HELZ: variants seen among roughly 807,000 people sequenced by gnomAD.
HELZ encodes the protein ATP-dependent RNA helicase with zinc finger domain.
Under a neutral mutation model 218.2 loss-of-function variants are expected in HELZ, and 23 were observed. That is an observed-to-expected ratio of 0.11 (90% CI 0.08 to 0.15). HELZ has a LOEUF of 0.15. Among genes scored for constraint, HELZ ranks in the 10% least tolerant of loss-of-function variants. The pLI, the probability that HELZ is intolerant of heterozygous loss-of-function variation, is 1.00. For synonymous variants in HELZ, 814 were observed against 829.4 expected (o/e 0.98, Z 0.32); for missense variants, 1,813 against 2,353.7 (o/e 0.77, Z 4.75).
intron 7 of HELZ, among the ~76,000 whole-genome samples, chr17:67,197,145 G>C (rs933042250): frequency 6.6e-6 from 1 of 152,144 alleles, no homozygotes; most frequent in African/African-American, 2.4e-5. Flanking sequence ...GGAGATAACT[G>C]AATCATGGGG....
intron 32 of HELZ, among the ~76,000 whole-genome samples, chr17:67,080,121 T>A (rs2036143055): frequency 6.6e-6 from 1 of 152,232 alleles, no homozygotes; most frequent in South Asian, 2.1e-4. Flanking sequence ...TAAAATTTTA[T>A]AATCTATCTG....
intron 26 of HELZ, 26 bp from the exon 27 acceptor site, chr17:67,120,638 T>G: frequency 5.8e-6 from 9 of 1,542,464 alleles, no homozygotes; most frequent in Non-Finnish European, 8.1e-6. Context: ...ATAAAATACA[T>G]GCATTAAGTA....
At chr17:67,152,658 CAATACATAAGTTTGGAG>C (rs2038720678) in intron 17 of HELZ, among the ~76,000 whole-genome samples, 1 of 149,438 alleles carries the variant, frequency 6.7e-6, no homozygotes, top group East Asian at 2.0e-4. Context: ...GTAAGCAAGG[CAATACATAAGTTTGGAG>C]TTCAGGAGAA....
In HELZ at chr17:67,205,449, G is replaced by T. The variant is rs574175048; in HGVS notation, c.248-2006C>A. ...GACAGTAGCTACTTCATAAGGTTGTGGTAAAGATTAATTATGCTAATTAGA... is the reference window on the plus strand; with the variant it reads ...GACAGTAGCTACTTCATAAGGTTGTTGTAAAGATTAATTATGCTAATTAGA... On this transcript the variant is annotated intron_variant, in intron 5 of 32. Coordinates refer to ENST00000358691, the MANE Select transcript of HELZ (RefSeq NM_014877.4). Among the ~76,000 whole-genome samples the T allele has an allele frequency of 9.2e-5, 14 of 152,230 alleles. No homozygotes were observed. In the South Asian group the frequency reaches 2.9e-3, roughly 32 times the overall value.
At chr17:67,080,992 TC>T (rs1212247194) in intron 32 of HELZ, among the ~76,000 whole-genome samples, 1 of 152,210 alleles carries the variant, frequency 6.6e-6, no homozygotes, top group East Asian at 1.9e-4. Context: ...TTTCCCAGCT[TC>T]CCTTGTAGCT....
chr17:67,200,309 C>A (rs995162277), intron 7 of HELZ, among the ~76,000 whole-genome samples: 6 of 152,176 alleles, frequency 3.9e-5, no homozygotes, highest in Non-Finnish European at 7.3e-5. Flanking sequence ...CCCTGACCTT[C>A]CATGTGTCCT....
At chr17:67,141,213 T>C (rs2038311189) in intron 21 of HELZ, among the ~76,000 whole-genome samples, 1 of 152,174 alleles carries the variant, frequency 6.6e-6, no homozygotes, top group Non-Finnish European at 1.5e-5. Context: ...TCCTCTTAAC[T>C]GGTTTAAAAA....
chr17:67,149,453 C>T (rs948235334), intron 19 of HELZ, among the ~76,000 whole-genome samples: 1 of 152,106 alleles, frequency 6.6e-6, no homozygotes, highest in Non-Finnish European at 1.5e-5. Context: ...GTAATTTAAG[C>T]CCTCTATTTC....
Position 67,107,245 on chromosome 17 carries a change from T to C in HELZ, c.5165A>G (p.His1722Arg), listed in dbSNP as rs761482942. ...NPFVQIQNHQ[H>R]AIGQEPFHPL... ...GTGAAATGGCTCTTGACCAATAGCA[T>C]GTTGATGATTCTGTATTTGTACAAA... Residue 1722 changes from histidine to arginine, a missense_variant, in exon 31 of 33, where the codon CAT becomes CGT. His to Arg is a conservative substitution (Grantham distance 29). Coordinates refer to ENST00000358691, the MANE Select transcript of HELZ (RefSeq NM_014877.4). 1.1e-5 allele frequency: 17 copies of C among 1,614,002 alleles called. No individual in the cohort carries two copies. In the South Asian group the frequency reaches 1.9e-4, roughly 18 times the overall value.
chr17:67,197,408 T>A (rs754122809), intron 7 of HELZ, among the ~76,000 whole-genome samples: 1 of 152,162 alleles, frequency 6.6e-6, no homozygotes, highest in Non-Finnish European at 1.5e-5. Flanking sequence ...ACTAATATAC[T>A]TAGCTATCCC....
chr17:67,245,616 GA>G (rs2041463204), upstream of HELZ: 1 of 794,224 alleles, frequency 1.3e-6, no homozygotes, highest in Non-Finnish European at 1.5e-6. Context: ...GCGCTTCCAG[GA>G]AGCCCGCGAG....
intron 24 of HELZ, 110 bp from the exon 25 acceptor site, chr17:67,124,124 C>A: frequency 1.4e-6 from 1 of 706,042 alleles, no homozygotes; most frequent in South Asian, 1.9e-5. Flanking sequence ...TAATTAAAAT[C>A]TAAAAACTGT....
At chr17:67,136,974 A>T (rs984332034) in intron 22 of HELZ, among the ~76,000 whole-genome samples, 3 of 152,050 alleles carry the variant, frequency 2.0e-5, no homozygotes, top group African/African-American at 4.8e-5. Context: ...CCATAAAAAA[A>T]TTTTTTTTAA....
intron 7 of HELZ, among the ~76,000 whole-genome samples, chr17:67,198,089 G>A (rs902355668): frequency 6.6e-6 from 1 of 152,018 alleles, no homozygotes; most frequent in African/African-American, 2.4e-5. Flanking sequence ...TAAATAGATA[G>A]GCTAAAAATT....
intron 9 of HELZ, 80 bp from the exon 10 acceptor site, chr17:67,190,435 A>T (rs2039862328): frequency 9.4e-7 from 1 of 1,063,080 alleles, no homozygotes; most frequent in African/African-American, 1.6e-5. Context: ...TTGCCCTCTG[A>T]TTCTTCAATA....
At chr17:67,082,034 A>G (rs1450133627) in intron 32 of HELZ, among the ~76,000 whole-genome samples, 1 of 152,168 alleles carries the variant, frequency 6.6e-6, no homozygotes, top group Non-Finnish European at 1.5e-5. Context: ...TCTAGTGGCT[A>G]TTTACCATGG....
chr17:67,094,616 G>A (rs2036686191), intron 31 of HELZ, among the ~76,000 whole-genome samples: 1 of 152,050 alleles, frequency 6.6e-6, no homozygotes, highest in Admixed American at 6.6e-5. Context: ...CAATAGCATT[G>A]TATGTTTAAA....
At chr17:67,142,552 T>TA (rs2038361383) in intron 21 of HELZ, among the ~76,000 whole-genome samples, 1 of 151,998 alleles carries the variant, frequency 6.6e-6, no homozygotes, top group Admixed American at 6.6e-5. Flanking sequence ...AAACTTTTTT[T>TA]AAAAAATCAA....
chr17:67,189,685 A>G lies in HELZ; in HGVS notation c.768T>C (p.Cys256=). 3 of 1,606,822 alleles carry G rather than the reference A, an allele frequency of 1.9e-6. No homozygotes were observed. Among genetic ancestry groups the G allele is most frequent in the East Asian group, 2.2e-5 (1 of 44,808 alleles). ...SLSPEKVLSE[C]IEGVKVEHNP... ...TGTGCTCTACCTTTACTCCTTCTAT[A>G]CATTCACTAAGCTGAAAACAGACAG... The change falls in exon 11 of 33, where the codon TGT becomes TGC. Residue 256 remains cysteine (C), a synonymous_variant. Coordinates refer to ENST00000358691, the MANE Select transcript of HELZ (RefSeq NM_014877.4).
Sources: gnomAD v4.1 joint callset for allele counts (sites outside exome capture counted in the v4.1 genomes callset) on GRCh38, gnomAD v4.1.1 for gene constraint, MANE v1.5 for transcripts, NCBI Gene and HGNC (gene_info 2026-07-23, HGNC 2026-07-21) for gene names.